CDH18: variants seen among roughly 807,000 people sequenced by gnomAD.
CDH18 encodes cadherin-18.
CDH18 carries 31 observed loss-of-function variants against 67.9 expected under a neutral mutation model. The observed-to-expected ratio is 0.46, with a 90% CI of 0.34 to 0.62. CDH18 has a LOEUF of 0.62. Among genes scored for constraint, CDH18 ranks in the 20% least tolerant of loss-of-function variants. The pLI, the probability that CDH18 is intolerant of heterozygous loss-of-function variation, is 0.01. For synonymous variants in CDH18, 362 were observed against 347.2 expected (o/e 1.04, Z -0.48); for missense variants, 890 against 975.5 (o/e 0.91, Z 1.17).
rs75739418 is a variant in CDH18, at chr5:19,850,514, C to A, written c.-256-11272G>T. ...CTAATAGCCTCAATGAGATAAGAAG[C>A]TTACAGTTTAAATGAGTCTGATTCT... On this transcript the variant is annotated intron_variant, in intron 2 of 12. Coordinates refer to ENST00000382275, the MANE Select transcript of CDH18 (RefSeq NM_004934.5). Among the ~76,000 whole-genome samples the A allele has an allele frequency of 8.8e-3, 1,333 of 151,834 alleles. 19 individuals are homozygous for A. The highest frequency in any genetic ancestry group is 0.027 in the Middle Eastern group (8 of 292).
At chr5:20,062,991 C>CT (rs5866413) in intron 2 of CDH18, among the ~76,000 whole-genome samples, 134,385 of 139,136 alleles carry the variant, frequency 0.97, 64,931 homozygotes, top group Admixed American at 0.98. Context: ...TTTTTTCTTT[C>CT]TTTTTTTTTT....
chr5:19,515,827 T>C (rs1561244365), intron 10 of CDH18, among the ~76,000 whole-genome samples: 1 of 152,094 alleles, frequency 6.6e-6, no homozygotes, highest in Non-Finnish European at 1.5e-5. Context: ...CTCTTCCTAA[T>C]TAAATACTCT....
chr5:19,550,280 T>C (rs1483014362), intron 8 of CDH18, among the ~76,000 whole-genome samples: 1 of 152,170 alleles, frequency 6.6e-6, no homozygotes, highest in Non-Finnish European at 1.5e-5. Context: ...ATTATTATTA[T>C]ACTTTAAGTT....
intron 1 of CDH18, among the ~76,000 whole-genome samples, chr5:20,559,465 T>C (rs926379470): frequency 2.0e-5 from 3 of 152,104 alleles, no homozygotes; most frequent in Non-Finnish European, 4.4e-5. Context: ...CTATTTAAAA[T>C]AGTATGGTAT....
chr5:20,565,686 C>A (rs1000949716), intron 1 of CDH18, among the ~76,000 whole-genome samples: 51 of 151,630 alleles, frequency 3.4e-4, no homozygotes, highest in African/African-American at 1.2e-3. Context: ...GGGAGTAAGC[C>A]TGCATATAAT....
chr5:19,870,559 G>C (rs1288087803), intron 2 of CDH18, among the ~76,000 whole-genome samples: 1 of 152,034 alleles, frequency 6.6e-6, no homozygotes, highest in African/African-American at 2.4e-5. Flanking sequence ...TTCCCCAAAT[G>C]CTTGCAGAGA....
chr5:19,624,554 T>C (rs1751223006), intron 5 of CDH18, among the ~76,000 whole-genome samples: 1 of 151,998 alleles, frequency 6.6e-6, no homozygotes, highest in Non-Finnish European at 1.5e-5. Context: ...TTAAGTAGAG[T>C]CCAGAATTGG....
At chr5:19,497,294 T>A (rs541852626) in intron 11 of CDH18, among the ~76,000 whole-genome samples, 1 of 152,312 alleles carries the variant, frequency 6.6e-6, no homozygotes, top group Non-Finnish European at 1.5e-5. Context: ...CAAATGGATA[T>A]CAACCAAAGC....
chr5:19,745,355 C>T (rs1440680830), intron 4 of CDH18, among the ~76,000 whole-genome samples: 1 of 152,172 alleles, frequency 6.6e-6, no homozygotes, highest in African/African-American at 2.4e-5. Flanking sequence ...TACTGTCTTC[C>T]TGGGTAATGC....
intron 5 of CDH18, among the ~76,000 whole-genome samples, chr5:19,703,507 T>G (rs1017875623): frequency 2.6e-5 from 4 of 152,172 alleles, no homozygotes; most frequent in African/African-American, 9.6e-5. Flanking sequence ...CCTACCCTTC[T>G]GCACCCCCTC....
intron 2 of CDH18, among the ~76,000 whole-genome samples, chr5:20,105,159 G>A (rs1337198136): frequency 6.6e-6 from 1 of 151,844 alleles, no homozygotes; most frequent in African/African-American, 2.4e-5. Context: ...GGCTAATTTT[G>A]TATTTTTAGT....
At position 19,791,584 on chromosome 5, in the gene CDH18, G is replaced by A. The variant is rs962514245; in HGVS notation, c.229-44348C>T. On this transcript the variant is annotated intron_variant, in intron 3 of 12. Coordinates refer to ENST00000382275, the MANE Select transcript of CDH18 (RefSeq NM_004934.5). ...CTGGATGAACTAGTCACTCATGCTC[G>A]CTGAGTGGAAAGGTAACTTCTAGCA... Among the ~76,000 whole-genome samples, 8 of 152,124 alleles carry A rather than the reference G, an allele frequency of 5.3e-5. No homozygotes were observed. In the East Asian group the frequency reaches 5.8e-4, roughly 11 times the overall value.
At chr5:19,575,852 C>T (rs547392808) in intron 7 of CDH18, among the ~76,000 whole-genome samples, 1 of 152,198 alleles carries the variant, frequency 6.6e-6, no homozygotes, top group East Asian at 1.9e-4. Flanking sequence ...GCTGCCCTAG[C>T]CTGCCCCAGA....
intron 9 of CDH18, among the ~76,000 whole-genome samples, chr5:19,524,056 C>T (rs1747351154): frequency 6.6e-6 from 1 of 151,744 alleles, no homozygotes; most frequent in Non-Finnish European, 1.5e-5. Flanking sequence ...TACTGTAAAA[C>T]TAATAAGATA....
chr5:20,204,900 C>T (rs1405108026), intron 2 of CDH18, among the ~76,000 whole-genome samples: 1 of 150,802 alleles, frequency 6.6e-6, no homozygotes, highest in Admixed American at 6.6e-5. Flanking sequence ...CAACAATGCA[C>T]AAATTATAAT....
chr5:19,962,395 A>AAAAACAAAAAAAAAAAAAAAAAAAAAT (rs58319680), intron 2 of CDH18, among the ~76,000 whole-genome samples: 1 of 117,058 alleles, frequency 8.5e-6, no homozygotes, highest in African/African-American at 3.2e-5. Flanking sequence ...AAAAAAAAAA[A>AAAAACAAAAAAAAAAAAAAAAAAAAAT]AGAAAATTCA....
chr5:20,263,388 G>A (rs756383161), intron 1 of CDH18, among the ~76,000 whole-genome samples: 8 of 152,070 alleles, frequency 5.3e-5, no homozygotes, highest in South Asian at 4.1e-4. Context: ...GAAACTACTC[G>A]TTAGCATTTG....
chr5:20,087,977 G>A (rs1477493524), intron 2 of CDH18, among the ~76,000 whole-genome samples: 1 of 152,092 alleles, frequency 6.6e-6, no homozygotes, highest in Non-Finnish European at 1.5e-5. Context: ...TATATAATCT[G>A]CCACAATAAC....
intron 2 of CDH18, among the ~76,000 whole-genome samples, chr5:19,941,172 T>C (rs1561598954): frequency 6.6e-6 from 1 of 152,034 alleles, no homozygotes; most frequent in African/African-American, 2.4e-5. Context: ...TCCAGAAAGC[T>C]GCCTTGCCCC....
Sources: allele counts gnomAD v4.1 joint callset (sites outside exome capture counted in the v4.1 genomes callset), GRCh38; gene constraint gnomAD v4.1.1; transcripts MANE v1.5; gene names NCBI Gene and HGNC (gene_info 2026-07-23, HGNC 2026-07-21).